Variants in VDAC1 observed in about 807,000 individuals in gnomAD.
VDAC1 encodes voltage dependent anion channel 1, also known as non-selective voltage-gated ion channel VDAC1.
In VDAC1, 10 loss-of-function variants were observed where a neutral mutation model predicts 34.7. The observed-to-expected ratio is 0.29, with a 90% CI of 0.18 to 0.49. The LOEUF is 0.49. Among genes scored for constraint, VDAC1 ranks in the 20% least tolerant of loss-of-function variants. The pLI is 0.99. For synonymous variants in VDAC1, 130 were observed against 136.0 expected (o/e 0.96, Z 0.30); for missense variants, 230 against 347.9 (o/e 0.66, Z 2.69).
At chr5:134,037,803 C>T in the VDAC1 span, among the ~76,000 whole-genome samples, 1 of 152,256 alleles carries the variant, frequency 6.6e-6, no homozygotes, top group South Asian at 2.1e-4. Flanking sequence ...ATGCCTCTTT[C>T]TCTCACTGCA....
chr5:134,050,140 T>A, the VDAC1 span, among the ~76,000 whole-genome samples: 1 of 151,790 alleles, frequency 6.6e-6, no homozygotes, highest in Non-Finnish European at 1.5e-5. Flanking sequence ...TCCCAGCAAC[T>A]CGGGAGGCTG....
At chr5:134,006,380 G>T (rs1476982231), upstream of VDAC1, among the ~76,000 whole-genome samples, 1 of 152,146 alleles carries the variant, frequency 6.6e-6, no homozygotes, top group African/African-American at 2.4e-5. Context: ...GTGCAACCCA[G>T]TTTTGAGGCT....
chr5:133,977,196 G>A (rs1561581839), intron 6 of VDAC1, among the ~76,000 whole-genome samples: 1 of 152,370 alleles, frequency 6.6e-6, no homozygotes, highest in East Asian at 1.9e-4. Flanking sequence ...CTGCTGGGGA[G>A]ATACAGTTGG....
At chr5:134,058,811 G>A in the VDAC1 span, among the ~76,000 whole-genome samples, 2 of 152,202 alleles carry the variant, frequency 1.3e-5, no homozygotes, top group Non-Finnish European at 2.9e-5. Flanking sequence ...ACCTGACACA[G>A]CAACGTGACC....
chr5:134,054,931 A>G, the VDAC1 span, among the ~76,000 whole-genome samples: 30,702 of 152,146 alleles, frequency 0.2, 5,126 homozygotes, highest in African/African-American at 0.46. Flanking sequence ...CAGGTAGGCA[A>G]GTGGGCTAGG....
At chr5:134,066,743 C>A in the VDAC1 span, among the ~76,000 whole-genome samples, 2 of 152,132 alleles carry the variant, frequency 1.3e-5, no homozygotes. Flanking sequence ...TGTTATTACA[C>A]CTGAATTCCA....
Position 133,972,668 on chromosome 5 carries a change from G to A in VDAC1, c.*103C>T. The A allele has an allele frequency of 1.1e-6, 1 of 920,238 alleles. No homozygotes were observed. The highest frequency in any genetic ancestry group is 1.7e-6 in the Non-Finnish European group (1 of 599,048). The allele number at this position is 920,238 out of a possible 1,614,324, so 57.0% of individuals were successfully genotyped here. Reference sequence around the variant, plus strand: ...TTAACCTGGAGGGCTAACATATTTAGCAATACTTGCATCCCAGACATACAA... The same window carrying A: ...TTAACCTGGAGGGCTAACATATTTAACAATACTTGCATCCCAGACATACAA... On this transcript the variant is annotated 3_prime_UTR_variant, in exon 9 of 9. Transcript: ENST00000265333.
intron 5 of VDAC1, among the ~76,000 whole-genome samples, chr5:133,988,571 T>A (rs1752986479): frequency 6.6e-6 from 1 of 152,026 alleles, no homozygotes; most frequent in East Asian, 1.9e-4. Context: ...AAGACCAGCC[T>A]GGCCAATACG....
At chr5:134,064,077 A>G in the VDAC1 span, among the ~76,000 whole-genome samples, 1 of 143,932 alleles carries the variant, frequency 6.9e-6, no homozygotes, top group Non-Finnish European at 1.5e-5. Flanking sequence ...GGCTCAAGTG[A>G]TCCTCCTGCC....
intron 7 of VDAC1, among the ~76,000 whole-genome samples, chr5:133,975,141 G>A (rs1420584401): frequency 6.6e-6 from 1 of 152,070 alleles, no homozygotes; most frequent in African/African-American, 2.4e-5. Context: ...ATGCTGGTGT[G>A]CCTATAGTCC....
chr5:134,080,817 CAAG>C, the VDAC1 span, among the ~76,000 whole-genome samples: 3 of 152,242 alleles, frequency 2.0e-5, no homozygotes, highest in African/African-American at 7.2e-5. Flanking sequence ...GTATAACTGA[CAAG>C]AGGTTTTTTC....
the VDAC1 span, among the ~76,000 whole-genome samples, chr5:134,075,573 TG>T: frequency 6.6e-6 from 1 of 152,208 alleles, no homozygotes; most frequent in East Asian, 1.9e-4. Context: ...GTTTTTTGTT[TG>T]TTTGTTTGTT....
chr5:134,089,919 C>T, the VDAC1 span, among the ~76,000 whole-genome samples: 2 of 152,112 alleles, frequency 1.3e-5, no homozygotes, highest in South Asian at 2.1e-4. Context: ...TTGAACCTGG[C>T]AGGCAGAGGT....
At chr5:134,027,431 G>A in the VDAC1 span, among the ~76,000 whole-genome samples, 3 of 152,176 alleles carry the variant, frequency 2.0e-5, no homozygotes, top group African/African-American at 7.2e-5. Context: ...ACAAGAGAGC[G>A]ACAGCCCCTC....
the VDAC1 span, among the ~76,000 whole-genome samples, chr5:134,025,443 G>A: frequency 1.3e-5 from 2 of 152,134 alleles, no homozygotes; most frequent in African/African-American, 4.8e-5. Context: ...AGATTCGGAA[G>A]GGACAAATAT....
At chr5:134,088,474 G>A in the VDAC1 span, among the ~76,000 whole-genome samples, 2 of 152,206 alleles carry the variant, frequency 1.3e-5, no homozygotes, top group Admixed American at 1.3e-4. Context: ...CCACAGGCAT[G>A]GAGGAGGCAA....
the VDAC1 span, among the ~76,000 whole-genome samples, chr5:134,090,219 G>A: frequency 6.6e-6 from 1 of 152,128 alleles, no homozygotes; most frequent in Non-Finnish European, 1.5e-5. Flanking sequence ...CAGGCCCCAG[G>A]AGCTACTCTA....
intron 5 of VDAC1, among the ~76,000 whole-genome samples, chr5:133,988,559 T>C (rs1279026640): frequency 6.6e-6 from 1 of 151,924 alleles, no homozygotes; most frequent in East Asian, 1.9e-4. Context: ...GGTCAGAAGT[T>C]CAAGACCAGC....
At chr5:134,084,448 C>G in the VDAC1 span, among the ~76,000 whole-genome samples, 1 of 152,216 alleles carries the variant, frequency 6.6e-6, no homozygotes, top group Admixed American at 6.5e-5. Flanking sequence ...GGAACTGGCC[C>G]GAACTTTGGT....
Sources: allele counts gnomAD v4.1 joint callset (sites outside exome capture counted in the v4.1 genomes callset), GRCh38; gene constraint gnomAD v4.1.1; transcripts MANE v1.5; gene names NCBI Gene and HGNC (gene_info 2026-07-23, HGNC 2026-07-21).